Variants in CAMKMT observed in about 807,000 individuals in gnomAD.
CAMKMT encodes calmodulin-lysine N-methyltransferase.
A neutral mutation model predicts 48.0 loss-of-function variants in CAMKMT; 53 were observed. The ratio of observed to expected loss-of-function variants is 1.10; its 90% CI spans 0.89 to 1.39. The LOEUF is 1.39. Ranked by LOEUF, CAMKMT falls within the 40% of genes most tolerant of loss-of-function variation. The pLI, the probability that CAMKMT is intolerant of heterozygous loss-of-function variation, is 0.00. For synonymous variants in CAMKMT, 165 were observed against 152.3 expected, an observed-to-expected ratio of 1.08 and a Z score of -0.61; for missense variants, 428 against 402.7, an observed-to-expected ratio of 1.06 and a Z score of -0.54.
At chr2:44,599,895 A>G (rs1017996587) in intron 3 of CAMKMT, among the ~76,000 whole-genome samples, 2 of 152,010 alleles carry the variant, frequency 1.3e-5, no homozygotes, top group Non-Finnish European at 2.9e-5. Flanking sequence ...ATTCATTCCA[A>G]TGTGGGAATT....
chr2:44,737,124 G>A (rs533198841), intron 7 of CAMKMT, among the ~76,000 whole-genome samples: 17 of 152,050 alleles, frequency 1.1e-4, no homozygotes, highest in South Asian at 8.3e-4. Flanking sequence ...GAGATTTTGC[G>A]TTTGTTTTAG....
intron 3 of CAMKMT, among the ~76,000 whole-genome samples, chr2:44,527,211 G>C (rs1666165530): frequency 6.9e-6 from 1 of 145,932 alleles, no homozygotes; most frequent in Admixed American, 7.0e-5. Flanking sequence ...TCCCATCTCA[G>C]CCTCCCTAGT....
intron 3 of CAMKMT, among the ~76,000 whole-genome samples, chr2:44,477,989 T>G (rs1350462135): frequency 6.6e-6 from 1 of 152,194 alleles, no homozygotes; most frequent in Non-Finnish European, 1.5e-5. Flanking sequence ...AAGGCTGCAG[T>G]GACAATTTGT....
At chr2:44,703,976 A>G (rs538926620) in intron 3 of CAMKMT, among the ~76,000 whole-genome samples, 36 of 152,228 alleles carry the variant, frequency 2.4e-4, no homozygotes, top group African/African-American at 7.7e-4. Context: ...ATGAAGATCT[A>G]TGTGAAGTAC....
At chr2:44,634,992 G>A (rs756654774) in intron 3 of CAMKMT, among the ~76,000 whole-genome samples, 29 of 152,290 alleles carry the variant, frequency 1.9e-4, no homozygotes, top group Non-Finnish European at 1.9e-4. Context: ...AGGATCGCTT[G>A]AGCCTGGGAG....
intron 3 of CAMKMT, among the ~76,000 whole-genome samples, chr2:44,466,755 A>T (rs1464773817): frequency 1.3e-5 from 2 of 152,220 alleles, no homozygotes; most frequent in Admixed American, 1.3e-4. Flanking sequence ...AAAATTGACT[A>T]GCCATTAGCT....
In CAMKMT at chr2:44,657,356, G is replaced by A. The variant is rs1057098029; in HGVS notation, c.377-46927G>A. Among the ~76,000 whole-genome samples the A allele has an allele frequency of 6.6e-6, 1 of 152,170 alleles. No homozygotes were observed. The highest frequency in any genetic ancestry group is 1.5e-5 in the Non-Finnish European group (1 of 68,036). On this transcript the variant is annotated intron_variant, in intron 3 of 10. Transcript: ENST00000378494. This position sits in a 1 kb window ranked among gnomAD's most constrained non-coding sequence, Gnocchi z 4.3. ...ATCAATGTCTAACCTGACTCATTTG[G>A]AGAGGGCTTTAAAAGTCTTAGCATT...
intron 3 of CAMKMT, among the ~76,000 whole-genome samples, chr2:44,414,499 G>A (rs1683416740): frequency 6.6e-6 from 1 of 152,074 alleles, no homozygotes; most frequent in African/African-American, 2.4e-5. Context: ...TCACCCTGTG[G>A]GCCTTCCATG....
At chr2:44,503,827 T>A (rs990349789) in intron 3 of CAMKMT, among the ~76,000 whole-genome samples, 3 of 152,132 alleles carry the variant, frequency 2.0e-5, no homozygotes, top group African/African-American at 7.2e-5. Context: ...AAATCTAAGA[T>A]CAAGGTGCCT....
chr2:44,632,413 T>C (rs1672885313), intron 3 of CAMKMT, among the ~76,000 whole-genome samples: 1 of 152,226 alleles, frequency 6.6e-6, no homozygotes, highest in African/African-American at 2.4e-5. Flanking sequence ...TTTTTCAAAA[T>C]AAATTTCATC....
intron 3 of CAMKMT, among the ~76,000 whole-genome samples, chr2:44,600,711 C>A (rs986924324): frequency 6.6e-6 from 1 of 152,080 alleles, no homozygotes; most frequent in Non-Finnish European, 1.5e-5. Flanking sequence ...CAAACTGTTC[C>A]TAGGTTGTTA....
rs1408420339 is a variant in CAMKMT at position 44,589,141 on chromosome 2, T to C, written c.377-115142T>C. ...CCCGTCTGGGAGGGTGGTGGGGGGG[T>C]CAGCCCCCCGCCTGGCCAGCCGCCC... On this transcript the variant is annotated intron_variant, in intron 3 of 10. Transcript: ENST00000378494. Among the ~76,000 whole-genome samples, 10 of 49,096 alleles carry C rather than the reference T, an allele frequency of 2.0e-4. 4 individuals carry two copies. Among genetic ancestry groups the C allele is most frequent in the African/African-American group, 6.7e-4 (8 of 11,922 alleles). The allele number at this position is 49,096 out of a possible 152,430, so 32.2% of individuals were successfully genotyped here. A position where few individuals can be genotyped will look rare whatever the true frequency, so the allele number is the denominator to read the frequency against.
intron 3 of CAMKMT, among the ~76,000 whole-genome samples, chr2:44,477,388 C>G (rs1455725619): frequency 6.6e-6 from 1 of 152,112 alleles, no homozygotes; most frequent in Admixed American, 6.5e-5. Context: ...AACTTTGTAT[C>G]AAATAAGTTT....
chr2:44,686,392 CA>C (rs35238467), intron 3 of CAMKMT, among the ~76,000 whole-genome samples: 15,191 of 113,104 alleles, frequency 0.13, 797 homozygotes, highest in Middle Eastern at 0.21. Flanking sequence ...GACTCTGCCT[CA>C]AAAAAAAAAA....
At chr2:44,714,090 T>G (rs115779595) in intron 6 of CAMKMT, among the ~76,000 whole-genome samples, 2,511 of 152,224 alleles carry the variant, frequency 0.016, 29 homozygotes, top group African/African-American at 0.037. Context: ...GTGAGGGCAG[T>G]TGGAAATTGG....
chr2:44,648,091 T>C (rs1325286086), intron 3 of CAMKMT, among the ~76,000 whole-genome samples: 1 of 152,096 alleles, frequency 6.6e-6, no homozygotes, highest in East Asian at 1.9e-4. Flanking sequence ...GTCAATCTTA[T>C]ATGTATTGAC....
intron 3 of CAMKMT, among the ~76,000 whole-genome samples, chr2:44,617,589 G>C (rs1333948131): frequency 2.0e-5 from 3 of 152,224 alleles, no homozygotes; most frequent in Non-Finnish European, 1.5e-5. Context: ...TGTAAGCACA[G>C]ATGTTTATCT....
chr2:44,763,719 G>A (rs1680714410), intron 9 of CAMKMT, among the ~76,000 whole-genome samples: 1 of 152,184 alleles, frequency 6.6e-6, no homozygotes, highest in African/African-American at 2.4e-5. Flanking sequence ...AGCTGAAGGA[G>A]GAAAGGGATG....
At chr2:44,417,395 A>AAAAAATAAAAAAT (rs1166479001) in intron 3 of CAMKMT, among the ~76,000 whole-genome samples, 11 of 152,140 alleles carry the variant, frequency 7.2e-5, no homozygotes, top group African/African-American at 2.2e-4. Flanking sequence ...ACTCTGTCTC[A>AAAAAATAAAAAAT]AAAAATAAAA....
Sources: allele counts gnomAD v4.1 joint callset (sites outside exome capture counted in the v4.1 genomes callset), GRCh38; gene constraint gnomAD v4.1.1; non-coding constraint Gnocchi (gnomAD v3.1); transcripts MANE v1.5; gene names NCBI Gene and HGNC (gene_info 2026-07-23, HGNC 2026-07-21).